The following LMO4 variants were observed in gnomAD, a reference collection of about 807,000 sequenced individuals.
The protein encoded by LMO4 is LIM domain only 4.
LMO4 carries 3 observed loss-of-function variants against 18.5 expected under a neutral mutation model. The observed-to-expected ratio is 0.16, with a 90% confidence interval of 0.07 to 0.42. The LOEUF (loss-of-function observed/expected upper bound fraction) is 0.42. LMO4 is among the 10% of genes least tolerant of loss of function. The pLI is 0.99. For missense variants in LMO4, 121 were observed against 219.9 expected (o/e 0.55, Z 2.84); for synonymous variants, 100 against 88.1 (o/e 1.14, Z -0.76).
intron 2 of LMO4, among the ~76,000 whole-genome samples, chr1:87,336,806 A>G (rs1056255172): frequency 7.2e-5 from 11 of 152,198 alleles, no homozygotes; most frequent in Non-Finnish European, 1.5e-5. Flanking sequence ...GACCTGGGGT[A>G]TATCTCCCCG....
chr1:87,334,522 G>T (rs1341558421), intron 2 of LMO4, among the ~76,000 whole-genome samples: 4 of 152,208 alleles, frequency 2.6e-5, no homozygotes, highest in African/African-American at 9.7e-5. Flanking sequence ...CGCAGGGACC[G>T]CTGCAGAAGA....
At chr1:87,338,564 A>C (rs74098395) in intron 2 of LMO4, among the ~76,000 whole-genome samples, 8,687 of 152,242 alleles carry the variant, frequency 0.057, 797 homozygotes, top group African/African-American at 0.19. Flanking sequence ...TAAAAGCCCA[A>C]GTTCGGTGGT....
At chr1:87,335,836 C>T (rs1650291080) in intron 2 of LMO4, among the ~76,000 whole-genome samples, 1 of 142,572 alleles carries the variant, frequency 7.0e-6, no homozygotes, top group Non-Finnish European at 1.5e-5. Context: ...CACTCAAGCA[C>T]AATGACAGCA....
intron 2 of LMO4, among the ~76,000 whole-genome samples, chr1:87,334,683 A>G (rs1317791846): frequency 2.6e-5 from 4 of 151,940 alleles, no homozygotes; most frequent in Admixed American, 2.6e-4. Context: ...AAGCTGCGGG[A>G]GAGCTGGGAA....
At position 87,347,229 on chromosome 1, in the gene LMO4, T is replaced by G. The variant is rs914173520; in HGVS notation, c.*2433T>G. The G allele has an allele frequency of 1.3e-5, 2 of 152,202 alleles. No individual in the cohort carries two copies. Among genetic ancestry groups the G allele is most frequent in the Admixed American group, 1.3e-4 (2 of 15,282 alleles). 9.4% of individuals were successfully genotyped at this position (152,202 alleles called of 1,614,324 possible). On this transcript the variant is annotated 3_prime_UTR_variant, in exon 5 of 5. Coordinates refer to ENST00000370544, the MANE Select transcript of LMO4 (RefSeq NM_006769.4). The stretch of plus-strand genomic sequence containing the variant: ...AAGTGATGAAGCCTTCTCTTTGATG[T>G]GCTAAATTGGAGAAGGACTAATGGA...
At chr1:87,337,034 G>A (rs1473999366) in intron 2 of LMO4, among the ~76,000 whole-genome samples, 1 of 152,168 alleles carries the variant, frequency 6.6e-6, no homozygotes, top group Non-Finnish European at 1.5e-5. Context: ...TCTAATGGTA[G>A]CCTTCCTCTC....
At position 87,344,859 on chromosome 1, in the gene LMO4, A is replaced by G. The variant is rs1005636437; in HGVS notation, c.*63A>G. Reference sequence around the variant, plus strand: ...GATTTGTTCATCACAGGTGGATCCCATGTGTCTTCAGTAGACAAGTCACCT... The same window carrying G: ...GATTTGTTCATCACAGGTGGATCCCGTGTGTCTTCAGTAGACAAGTCACCT... On this transcript the variant is annotated 3_prime_UTR_variant, in exon 5 of 5. Transcript: ENST00000370544. 1.9e-5 allele frequency: 29 copies of G among 1,548,656 alleles called. No individual in the cohort carries two copies. Among genetic ancestry groups the G allele is most frequent in the Non-Finnish European group, 2.4e-5 (27 of 1,120,850 alleles).
At chr1:87,337,137 A>G (rs1650339565) in intron 2 of LMO4, among the ~76,000 whole-genome samples, 1 of 152,224 alleles carries the variant, frequency 6.6e-6, no homozygotes, top group Non-Finnish European at 1.5e-5. Flanking sequence ...CTTAAACTCC[A>G]TTGATACGTT....
rs576966074 is a variant in LMO4, at chr1:87,347,035, C to A, written c.*2239C>A. On this transcript the variant is annotated 3_prime_UTR_variant, in exon 5 of 5. Coordinates refer to ENST00000370544, the MANE Select transcript of LMO4 (RefSeq NM_006769.4). ...ATAACTTTAGTAAATAATATATTGT[C>A]GCATTTAATGATGTGGAGGGCTAAG... 1 of 152,092 alleles carries A rather than the reference C, an allele frequency of 6.6e-6. No homozygotes were observed. Among genetic ancestry groups the A allele is most frequent in the African/African-American group, 2.4e-5 (1 of 41,400 alleles). The allele number at this position is 152,092 out of a possible 1,614,324, so 9.4% of individuals were successfully genotyped here.
In LMO4 at chr1:87,339,743, C is replaced by G. The variant is rs541114198; in HGVS notation, c.333+111C>G. The G allele has an allele frequency of 2.7e-5, 20 of 736,212 alleles. 1 individual carries two copies. The highest frequency in any genetic ancestry group is 6.6e-5 in the South Asian group (4 of 60,820). The allele number at this position is 736,212 out of a possible 1,614,324, so 45.6% of individuals were successfully genotyped here. A position where few individuals can be genotyped will look rare whatever the true frequency, so the allele number is the denominator to read the frequency against. ...GAACTGTTTTCTCAAGCTGCAGACA[C>G]TTGAAGGAATGATTGAAATTGTAGC... is the stretch of plus-strand genomic sequence containing the variant. On this transcript the variant is annotated intron_variant, in intron 3 of 4. Transcript: ENST00000370544.
At chr1:87,341,283 A>G (rs892730363) in intron 4 of LMO4, among the ~76,000 whole-genome samples, 2 of 152,202 alleles carry the variant, frequency 1.3e-5, no homozygotes, top group African/African-American at 2.4e-5. Context: ...CAGATTGGTG[A>G]TAGATTTTTC....
At chr1:87,342,181 A>G (rs1650517069) in intron 4 of LMO4, among the ~76,000 whole-genome samples, 1 of 152,206 alleles carries the variant, frequency 6.6e-6, no homozygotes, top group Non-Finnish European at 1.5e-5. Context: ...GTGAGAATGA[A>G]AGGATGTAGA....
rs1302799024 is a variant in LMO4, at chr1:87,344,870, G to C, written c.*74G>C. 4.7e-6 allele frequency: 7 copies of C among 1,482,742 alleles called. No homozygotes were observed. Among genetic ancestry groups the C allele is most frequent in the Admixed American group, 1.7e-5 (1 of 59,516 alleles). The allele number at this position is 1,482,742 out of a possible 1,614,324, so 91.8% of individuals were successfully genotyped here. A position where few individuals can be genotyped will look rare whatever the true frequency, so the allele number is the denominator to read the frequency against. ...CACAGGTGGATCCCATGTGTCTTCA[G>C]TAGACAAGTCACCTTTGTAGCTAGC... On this transcript the variant is annotated 3_prime_UTR_variant, in exon 5 of 5. Coordinates refer to ENST00000370544, the MANE Select transcript of LMO4 (RefSeq NM_006769.4).
chr1:87,332,054 G>A lies in LMO4; in HGVS notation c.39G>A (p.Val13=). 1 of 1,613,356 alleles carries A rather than the reference G, an allele frequency of 6.2e-7. No individual in the cohort carries two copies. ...GCAGCAGCTCGCAGCCGCCCCCGGT[G>A]ACGGCCGGCTCCCTCTCCTGGAAGC... ...NPGSSSQPPP[V]TAGSLSWKRC... is the part of the protein sequence containing the mutation. Residue 13 remains valine (V), a synonymous_variant, in exon 2 of 5, where the codon GTG becomes GTA. Transcript: ENST00000370544.
At chr1:87,330,325 T>TAAC (rs1650099447) in intron 1 of LMO4, among the ~76,000 whole-genome samples, 2 of 152,214 alleles carry the variant, frequency 1.3e-5, no homozygotes, top group South Asian at 4.1e-4. Context: ...GGAAACAGTT[T>TAAC]AAAGATCTAG....
At chr1:87,340,344 G>A in intron 4 of LMO4, 142 bp downstream of exon 4, 1 of 669,376 alleles carries the variant, frequency 1.5e-6, no homozygotes, top group Non-Finnish European at 2.4e-6. Flanking sequence ...TGTACATAGA[G>A]TGTTCAGAAG....
At chr1:87,333,972 C>A (rs1366051056) in intron 2 of LMO4, among the ~76,000 whole-genome samples, 1 of 151,216 alleles carries the variant, frequency 6.6e-6, no homozygotes, top group East Asian at 1.9e-4. Flanking sequence ...ACAAAAAAAA[C>A]CCTCGCTTCT....
intron 4 of LMO4, among the ~76,000 whole-genome samples, chr1:87,343,082 C>G (rs1475393567): frequency 2.6e-5 from 4 of 152,184 alleles, no homozygotes; most frequent in Middle Eastern, 3.2e-3. Context: ...CAAGGATCCT[C>G]TGGCTTAAAA....
rs1650412571 is a variant in LMO4 at position 87,339,565 on chromosome 1, C to T, written c.266C>T (p.Ala89Val). 6.2e-7 allele frequency: 1 copy of T among 1,613,920 alleles called. No individual in the cohort carries two copies. Among genetic ancestry groups the T allele is most frequent in the Non-Finnish European group, 8.5e-7 (1 of 1,179,878 alleles). The stretch of plus-strand genomic sequence containing the variant: ...TTTGGAAATAGCGGTGCTTGCAGCG[C>T]TTGCGGACAGTCGATTCCTGCGAGT... Reference protein sequence around the residue: ...RLFGNSGACSACGQSIPASEL... With the variant: ...RLFGNSGACSVCGQSIPASEL... Residue 89 changes from alanine (A) to valine (V), a missense_variant, in exon 3 of 5, where the codon GCT becomes GTT. Coordinates refer to ENST00000370544, the MANE Select transcript of LMO4 (RefSeq NM_006769.4).
Sources: allele counts gnomAD v4.1 joint callset (sites outside exome capture counted in the v4.1 genomes callset), GRCh38; gene constraint gnomAD v4.1.1; transcripts MANE v1.5; gene names NCBI Gene and HGNC (gene_info 2026-07-23, HGNC 2026-07-21).